Variants in DPP6 observed in about 807,000 individuals in gnomAD.
The protein encoded by DPP6 is dipeptidyl peptidase like 6, also known as A-type potassium channel modulatory protein DPP6.
A neutral mutation model predicts 122.6 loss-of-function variants in DPP6; 69 were observed. The observed-to-expected ratio is 0.56, with a 90% CI of 0.46 to 0.69. The LOEUF (loss-of-function observed/expected upper bound fraction) is 0.69, where lower values mean the gene tolerates loss of function less well. Ranked by LOEUF, DPP6 falls within the 30% of genes least tolerant of loss-of-function variation. The probability of loss-of-function intolerance (pLI) is 0.00; values close to 1 mark genes in which losing one functional copy is unlikely to be tolerated. For synonymous variants in DPP6, 418 were observed against 433.1 expected (o/e 0.97, Z 0.43); for missense variants, 928 against 1,116.9 (o/e 0.83, Z 2.41).
rs368472806 is a variant in DPP6 at position 154,892,345 on chromosome 7, C to G, written c.2463C>G (p.Asp821Glu). 3 of 1,614,026 alleles carry G rather than the reference C, an allele frequency of 1.9e-6. No individual in the cohort carries two copies. Among genetic ancestry groups the G allele is most frequent in the South Asian group, 1.1e-5 (1 of 91,080 alleles). ...KANYSLQIYP[D>E]ESHYFTSSSL... The stretch of plus-strand genomic sequence containing the variant: ...TGCCTTCCTTGCAGATTTACCCGGA[C>G]GAAAGCCATTACTTTACCAGCTCCA... The change falls in exon 26 of 26, where the codon GAC becomes GAG. Residue 821 changes from aspartate (D) to glutamate (E), a missense_variant. Coordinates refer to ENST00000377770, the MANE Select transcript of DPP6 (RefSeq NM_130797.4).
At chr7:154,063,729 C>A (rs1315815376) in intron 1 of DPP6, among the ~76,000 whole-genome samples, 1 of 149,486 alleles carries the variant, frequency 6.7e-6, no homozygotes, top group Non-Finnish European at 1.5e-5. Flanking sequence ...AGCCCCTCTT[C>A]CCCCCCGGCT....
intron 1 of DPP6, among the ~76,000 whole-genome samples, chr7:154,022,411 G>A (rs1020423433): frequency 6.6e-6 from 1 of 152,074 alleles, no homozygotes; most frequent in Non-Finnish European, 1.5e-5. Context: ...GAAGGAGAGA[G>A]GAAGAAATAG....
intron 25 of DPP6, chr7:154,889,749 C>A: frequency 2.8e-6 from 2 of 712,840 alleles, no homozygotes; most frequent in Non-Finnish European, 4.4e-6. Context: ...CGGTTTAAAT[C>A]CCTTTAGGAC....
intron 1 of DPP6, among the ~76,000 whole-genome samples, chr7:154,379,584 G>T (rs1813418557): frequency 6.6e-6 from 1 of 152,172 alleles, no homozygotes; most frequent in Non-Finnish European, 1.5e-5. Flanking sequence ...CTTTACAGAA[G>T]AATGCTCCCT....
chr7:153,749,389 A>AC, the DPP6 span, among the ~76,000 whole-genome samples: 216 of 151,418 alleles, frequency 1.4e-3, 3 homozygotes, highest in East Asian at 0.032. The surrounding 1 kb of genome is among the most constrained non-coding windows in gnomAD (Gnocchi z 4.1). Context: ...TCACAATCAG[A>AC]CCCCCCTGGG....
In DPP6 at chr7:154,293,736, G is replaced by C. The variant is rs971139304; in HGVS notation, c.244-152478G>C. On this transcript the variant is annotated intron_variant, in intron 1 of 25. Coordinates refer to ENST00000377770, the MANE Select transcript of DPP6 (RefSeq NM_130797.4). ...GAGAAGCTCTGTGTGTTGCAATTCT[G>C]TCTGCATTGCTTTGCAGATGATGAG... Among the ~76,000 whole-genome samples, 4 of 152,196 alleles carry C rather than the reference G, an allele frequency of 2.6e-5. No homozygotes were observed. In the South Asian group the frequency reaches 8.3e-4, roughly 31 times the overall value.
rs373224292 is a variant in DPP6 at position 154,794,125 on chromosome 7, G to A, written c.1183G>A (p.Ala395Thr). 1.2e-6 allele frequency: 2 copies of A among 1,613,492 alleles called. No individual in the cohort carries two copies. Among genetic ancestry groups the A allele is most frequent in the African/African-American group, 2.7e-5 (2 of 74,904 alleles). ...GAAGTGGGCCACCAGCACCAAGGTC[G>A]CCGTGACCTGGCTGAACCGGGCGCA... ...MVKWATSTKV[A>T]VTWLNRAQNV... The change falls in exon 11 of 26, where the codon GCC (alanine) becomes ACC (threonine). Residue 395 changes from alanine to threonine, a missense_variant. By Grantham distance (58) the Ala-to-Thr change is moderately conservative (BLOSUM62 0). Coordinates refer to ENST00000377770, the MANE Select transcript of DPP6 (RefSeq NM_130797.4).
Position 154,821,653 on chromosome 7 carries a change from T to TATAC in DPP6, c.1666+14544_1666+14545insCATA, listed in dbSNP as rs1799783833. The stretch of plus-strand genomic sequence containing the variant: ...GTATATATATATATATATACACATA[T>TATAC]ATATATATATACACATATATATATA... On this transcript the variant is annotated intron_variant, in intron 16 of 25. Coordinates refer to ENST00000377770, the MANE Select transcript of DPP6 (RefSeq NM_130797.4). This position sits in a 1 kb window ranked among gnomAD's most constrained non-coding sequence, Gnocchi z 4.2. Among the ~76,000 whole-genome samples, 1 of 107,092 alleles carries TATAC rather than the reference T, an allele frequency of 9.3e-6. No individual in the cohort carries two copies. Among genetic ancestry groups the TATAC allele is most frequent in the Admixed American group, 8.5e-5 (1 of 11,706 alleles). 70.3% of individuals were successfully genotyped at this position (107,092 alleles called of 152,430 possible). A position where few individuals can be genotyped will look rare whatever the true frequency, so the allele number is the denominator to read the frequency against.
intron 5 of DPP6, chr7:154,587,151 T>C (rs117681551): frequency 0.01 from 1,644 of 157,710 alleles, 13 homozygotes; most frequent in Non-Finnish European, 0.015. Context: ...AAAGCTTCGC[T>C]ATTAATCCCT....
chr7:154,255,978 A>C (rs1802634069), intron 1 of DPP6, among the ~76,000 whole-genome samples: 1 of 151,308 alleles, frequency 6.6e-6, no homozygotes, highest in African/African-American at 2.5e-5. Flanking sequence ...CCTGAAGACC[A>C]CATGAGATAA....
At chr7:154,504,196 G>A (rs1042507624) in intron 3 of DPP6, among the ~76,000 whole-genome samples, 1 of 82,632 alleles carries the variant, frequency 1.2e-5, no homozygotes, top group Non-Finnish European at 2.9e-5. Flanking sequence ...GCAATAACAG[G>A]TGCTATTTTT....
At chr7:153,944,504 TG>T (rs1298964037) in intron 1 of DPP6, among the ~76,000 whole-genome samples, 3 of 151,782 alleles carry the variant, frequency 2.0e-5, no homozygotes, top group Non-Finnish European at 2.9e-5. Context: ...CTCGAAGGGG[TG>T]GCCTTCTCCT....
At chr7:154,023,643 G>C (rs3852282) in intron 1 of DPP6, among the ~76,000 whole-genome samples, 1 of 151,026 alleles carries the variant, frequency 6.6e-6, no homozygotes, top group Non-Finnish European at 1.5e-5. Flanking sequence ...CACCATGCTC[G>C]GCTAATTTTT....
intron 1 of DPP6, among the ~76,000 whole-genome samples, chr7:154,108,082 G>C (rs558051442): frequency 6.6e-6 from 1 of 152,318 alleles, no homozygotes; most frequent in Admixed American, 6.5e-5. Flanking sequence ...GGGGCACCTT[G>C]TCCCTCAGCC....
chr7:154,028,114 G>C (rs1417515211), intron 1 of DPP6, among the ~76,000 whole-genome samples: 2 of 151,850 alleles, frequency 1.3e-5, no homozygotes, highest in Non-Finnish European at 2.9e-5. Flanking sequence ...CCCCACCCTC[G>C]CATGGCTGTG....
the DPP6 span, among the ~76,000 whole-genome samples, chr7:153,843,069 T>TACACACGTGCGCAC: frequency 6.8e-6 from 1 of 147,042 alleles, no homozygotes; most frequent in Non-Finnish European, 1.5e-5. Context: ...CACGAGTGCA[T>TACACACGTGCGCAC]ACACACGTGC....
intron 1 of DPP6, among the ~76,000 whole-genome samples, chr7:154,120,229 T>C (rs1807344435): frequency 6.6e-6 from 1 of 151,964 alleles, no homozygotes; most frequent in African/African-American, 2.4e-5. Context: ...TCATTCTTCC[T>C]GCATCATTTT....
At position 154,755,603 on chromosome 7, in the gene DPP6, G is replaced by A. The variant is rs1843624710; in HGVS notation, c.884-13814G>A. Among the ~76,000 whole-genome samples the A allele has an allele frequency of 1.3e-5, 2 of 152,188 alleles. No homozygotes were observed. The highest frequency in any genetic ancestry group is 1.3e-4 in the Admixed American group (2 of 15,286). The stretch of plus-strand genomic sequence containing the variant: ...AGAGCCGGCTTGGCGTGTGCTGGGT[G>A]CTCACCGACTGCTGGGTGTGGCCAT... On this transcript the variant is annotated intron_variant, in intron 8 of 25. Transcript: ENST00000377770. This position sits in a 1 kb window ranked among gnomAD's most constrained non-coding sequence, Gnocchi z 4.7.
At chr7:154,539,578 A>G (rs1028358246) in intron 3 of DPP6, among the ~76,000 whole-genome samples, 2 of 151,928 alleles carry the variant, frequency 1.3e-5, no homozygotes, top group Admixed American at 6.6e-5. Context: ...ACATGTATAC[A>G]TATGTAACAA....
Sources: allele counts gnomAD v4.1 joint callset (sites outside exome capture counted in the v4.1 genomes callset), GRCh38; gene constraint gnomAD v4.1.1; non-coding constraint Gnocchi (gnomAD v3.1); transcripts MANE v1.5; gene names NCBI Gene and HGNC (gene_info 2026-07-23, HGNC 2026-07-21).